PCSK2: variants seen among roughly 807,000 people sequenced by gnomAD.
The protein encoded by PCSK2 is neuroendocrine convertase 2.
PCSK2 carries 14 observed loss-of-function variants against 69.7 expected under a neutral mutation model. That is an observed-to-expected ratio of 0.20 (90% CI 0.13 to 0.31). PCSK2 has a LOEUF of 0.31. Ranked by LOEUF, PCSK2 falls within the 10% of genes least tolerant of loss-of-function variation. The pLI, the probability that PCSK2 is intolerant of heterozygous loss-of-function variation, is 1.00. For missense variants in PCSK2, 544 were observed against 842.5 expected (o/e 0.65, Z 4.39); for synonymous variants, 307 against 320.7 (o/e 0.96, Z 0.46).
At chr20:17,242,042 T>C (rs1170956402) in intron 1 of PCSK2, among the ~76,000 whole-genome samples, 1 of 152,204 alleles carries the variant, frequency 6.6e-6, no homozygotes, top group Non-Finnish European at 1.5e-5. Flanking sequence ...AAAACAGTTG[T>C]TCAGTTCTTA....
chr20:17,297,016 A>T (rs1988916847), intron 2 of PCSK2, among the ~76,000 whole-genome samples: 1 of 152,214 alleles, frequency 6.6e-6, no homozygotes, highest in African/African-American at 2.4e-5. Context: ...AAGGGCATTT[A>T]AAAAGATTAA....
chr20:17,349,547 C>G (rs1450641533), intron 2 of PCSK2, among the ~76,000 whole-genome samples: 1 of 152,160 alleles, frequency 6.6e-6, no homozygotes, highest in Non-Finnish European at 1.5e-5. Flanking sequence ...ACAAGGATGA[C>G]CAGGCCAGGG....
chr20:17,302,962 C>T (rs985040531), intron 2 of PCSK2, among the ~76,000 whole-genome samples: 1 of 151,956 alleles, frequency 6.6e-6, no homozygotes, highest in Non-Finnish European at 1.5e-5. Context: ...GAGAAGAAGG[C>T]TCAATGTGAG....
chr20:17,385,643 A>T (rs181168789), intron 5 of PCSK2, among the ~76,000 whole-genome samples: 9 of 152,312 alleles, frequency 5.9e-5, no homozygotes, highest in Admixed American at 5.9e-4. Context: ...TTACTGTCTT[A>T]GCTGGGATTC....
intron 2 of PCSK2, among the ~76,000 whole-genome samples, chr20:17,357,848 C>T (rs2030254757): frequency 6.7e-6 from 1 of 150,132 alleles, no homozygotes; most frequent in South Asian, 2.1e-4. Flanking sequence ...GAGCCAAGAT[C>T]ATGCCATTGC....
At chr20:17,445,242 G>T (rs940149495) in intron 8 of PCSK2, among the ~76,000 whole-genome samples, 1 of 152,196 alleles carries the variant, frequency 6.6e-6, no homozygotes, top group Admixed American at 6.5e-5. Context: ...TTCGGGTGAC[G>T]CTAGAAGGTC....
chr20:17,470,647 T>A (rs2033183482), intron 11 of PCSK2, among the ~76,000 whole-genome samples: 1 of 152,216 alleles, frequency 6.6e-6, no homozygotes, highest in Non-Finnish European at 1.5e-5. Context: ...AGCACTTTAT[T>A]CCACTATCTC....
chr20:17,422,626 G>T (rs6044806), intron 6 of PCSK2, among the ~76,000 whole-genome samples: 1 of 151,812 alleles, frequency 6.6e-6, no homozygotes, highest in Non-Finnish European at 1.5e-5. Context: ...GAGGAAAAAA[G>T]GAGAAAAAAG....
intron 8 of PCSK2, among the ~76,000 whole-genome samples, chr20:17,443,048 A>C (rs1277593261): frequency 6.6e-6 from 1 of 152,178 alleles, no homozygotes; most frequent in Non-Finnish European, 1.5e-5. Context: ...GTGGAGGACA[A>C]CTTTTCTAAG....
chr20:17,335,462 T>TGTGTGTGTGTGTG (rs1555789125), intron 2 of PCSK2, among the ~76,000 whole-genome samples: 17 of 151,238 alleles, frequency 1.1e-4, no homozygotes, highest in South Asian at 6.3e-4. Context: ...TGTGTGTGTG[T>TGTGTGTGTGTGTG]TCCTTGTCTA....
chr20:17,301,530 A>G (rs1027939003), intron 2 of PCSK2, among the ~76,000 whole-genome samples: 1 of 152,246 alleles, frequency 6.6e-6, no homozygotes, highest in Non-Finnish European at 1.5e-5. Context: ...TTTGATATTT[A>G]AGTTGCCTAT....
intron 2 of PCSK2, among the ~76,000 whole-genome samples, chr20:17,344,152 A>G (rs1294108379): frequency 1.3e-5 from 2 of 152,234 alleles, no homozygotes; most frequent in African/African-American, 2.4e-5. Context: ...GCTGGGGCTC[A>G]TTAACGCCCT....
chr20:17,348,070 A>AG (rs1385866638), intron 2 of PCSK2, among the ~76,000 whole-genome samples: 11 of 148,348 alleles, frequency 7.4e-5, no homozygotes, highest in African/African-American at 2.5e-4. Context: ...AAAGAAAGAA[A>AG]GAAAGAAAGA....
intron 6 of PCSK2, among the ~76,000 whole-genome samples, chr20:17,413,327 A>G (rs1465512190): frequency 6.6e-6 from 1 of 152,192 alleles, no homozygotes; most frequent in African/African-American, 2.4e-5. Flanking sequence ...AAATTAAGGG[A>G]TGGAGGAAGA....
intron 1 of PCSK2, among the ~76,000 whole-genome samples, chr20:17,237,499 T>A (rs369227903): frequency 6.6e-6 from 1 of 151,456 alleles, no homozygotes; most frequent in African/African-American, 2.4e-5. Flanking sequence ...GTTAGAGATA[T>A]GGAAAAAGAA....
intron 7 of PCSK2, among the ~76,000 whole-genome samples, chr20:17,432,567 T>G (rs1341185284): frequency 6.6e-6 from 1 of 152,252 alleles, no homozygotes. Flanking sequence ...CTTTCCTTCT[T>G]TCTTTTTTCA....
At chr20:17,426,697 T>G (rs977597747) in intron 6 of PCSK2, among the ~76,000 whole-genome samples, 12 of 152,194 alleles carry the variant, frequency 7.9e-5, no homozygotes, top group African/African-American at 2.4e-5. Flanking sequence ...ACCAGGAAGA[T>G]CCAACGTTAC....
At chr20:17,391,272 T>C (rs1000708692) in intron 5 of PCSK2, among the ~76,000 whole-genome samples, 1 of 152,198 alleles carries the variant, frequency 6.6e-6, no homozygotes, top group Non-Finnish European at 1.5e-5. Context: ...GAGAGAATGC[T>C]GAAATATTCA....
chr20:17,250,223 A>G (rs1390646764), intron 1 of PCSK2, among the ~76,000 whole-genome samples: 2 of 152,192 alleles, frequency 1.3e-5, no homozygotes, highest in Non-Finnish European at 2.9e-5. Context: ...AATCCAAAAT[A>G]TGATTATATT....
Sources: gnomAD v4.1 joint callset for allele counts (sites outside exome capture counted in the v4.1 genomes callset) on GRCh38, gnomAD v4.1.1 for gene constraint, MANE v1.5 for transcripts, NCBI Gene and HGNC (gene_info 2026-07-23, HGNC 2026-07-21) for gene names.